CLYBL: variants seen among roughly 807,000 people sequenced by gnomAD.
CLYBL encodes the protein citramalyl-CoA lyase, also known as citramalyl-CoA lyase, mitochondrial.
CLYBL carries 31 observed loss-of-function variants against 38.9 expected under a neutral mutation model. That is an observed-to-expected ratio of 0.80 (90% CI 0.60 to 1.08). The LOEUF (loss-of-function observed/expected upper bound fraction) is 1.08. Among genes scored for constraint, CLYBL ranks in the 50% least tolerant of loss-of-function variants. The probability of loss-of-function intolerance (pLI) is 0.00; values close to 1 mark genes in which losing one functional copy is unlikely to be tolerated. For missense variants in CLYBL, 434 were observed against 411.6 expected (o/e 1.05, Z -0.47); for synonymous variants, 171 against 158.6 (o/e 1.08, Z -0.59).
At chr13:99,708,008 G>A (rs1454716967) in intron 1 of CLYBL, among the ~76,000 whole-genome samples, 2 of 152,144 alleles carry the variant, frequency 1.3e-5, no homozygotes, top group Admixed American at 1.3e-4. Context: ...TTTTGAGACA[G>A]AGTCTTGCTC....
At chr13:99,633,576 T>C (rs1056531387) in intron 1 of CLYBL, among the ~76,000 whole-genome samples, 3 of 148,856 alleles carry the variant, frequency 2.0e-5, no homozygotes, top group Non-Finnish European at 4.5e-5. Flanking sequence ...AGCTGAAAGG[T>C]TAGTGGTTGC....
At chr13:99,621,536 C>T (rs1454549104) in intron 1 of CLYBL, among the ~76,000 whole-genome samples, 1 of 152,232 alleles carries the variant, frequency 6.6e-6, no homozygotes, top group Non-Finnish European at 1.5e-5. Context: ...CTCCCACCCA[C>T]ACCCCATCTG....
intron 7 of CLYBL, among the ~76,000 whole-genome samples, chr13:99,881,363 A>G (rs1428929813): frequency 2.0e-5 from 3 of 152,226 alleles, no homozygotes; most frequent in Admixed American, 6.5e-5. Flanking sequence ...GTGTAAAAAG[A>G]TGAAAAACAC....
chr13:99,765,976 TGCATG>T (rs763922108), intron 1 of CLYBL, among the ~76,000 whole-genome samples: 3 of 151,384 alleles, frequency 2.0e-5, no homozygotes, highest in Non-Finnish European at 4.4e-5. Flanking sequence ...CTCAGCCTCC[TGCATG>T]GCTGGAACTA....
intron 2 of CLYBL, among the ~76,000 whole-genome samples, chr13:99,807,567 C>T (rs944301442): frequency 1.3e-5 from 2 of 151,716 alleles, no homozygotes; most frequent in African/African-American, 4.8e-5. Flanking sequence ...AAGCCAGTCA[C>T]AAAAGGACAA....
In CLYBL at chr13:99,686,415, T is replaced by A. The variant is rs2047818382; in HGVS notation, c.62+79658T>A. On this transcript the variant is annotated intron_variant, in intron 1 of 8. Transcript: ENST00000339105. ...ACACAGTGACACAGCCATTTCCTTC[T>A]ATAGCAGAAACATCTTTGGAGTTCT... Among the ~76,000 whole-genome samples, 6 of 152,212 alleles carry A rather than the reference T, an allele frequency of 3.9e-5. No individual in the cohort carries two copies. The South Asian group carries it at 1.2e-3, about 31-fold the overall frequency.
At chr13:99,667,636 C>T (rs1039845015) in intron 1 of CLYBL, among the ~76,000 whole-genome samples, 1 of 151,932 alleles carries the variant, frequency 6.6e-6, no homozygotes, top group Admixed American at 6.6e-5. Context: ...ACTTGTGGTG[C>T]CTGCATTGAA....
intron 2 of CLYBL, among the ~76,000 whole-genome samples, chr13:99,843,336 G>C (rs1011787981): frequency 2.0e-5 from 3 of 152,194 alleles, no homozygotes; most frequent in African/African-American, 7.2e-5. Flanking sequence ...CCCCAAAGAA[G>C]CTGTCTTGCC....
At chr13:99,652,234 C>T (rs559077764) in intron 1 of CLYBL, among the ~76,000 whole-genome samples, 70 of 152,306 alleles carry the variant, frequency 4.6e-4, no homozygotes, top group African/African-American at 1.7e-3. Context: ...TCCCAGCACA[C>T]TGTCAGCTGT....
At chr13:99,773,299 G>A (rs1057258793) in intron 2 of CLYBL, among the ~76,000 whole-genome samples, 1 of 152,150 alleles carries the variant, frequency 6.6e-6, no homozygotes, top group Non-Finnish European at 1.5e-5. Context: ...GATGTTTGCC[G>A]GTCTAGGTAA....
chr13:99,787,275 T>C (rs1387448548), intron 2 of CLYBL, among the ~76,000 whole-genome samples: 1 of 152,252 alleles, frequency 6.6e-6, no homozygotes, highest in East Asian at 1.9e-4. Flanking sequence ...TCCTTGCCCA[T>C]GCCTATGTCC....
At chr13:99,904,970 C>T (rs950538803) in intron 8 of CLYBL, among the ~76,000 whole-genome samples, 3 of 152,144 alleles carry the variant, frequency 2.0e-5, no homozygotes, top group Admixed American at 1.3e-4. Flanking sequence ...CCCTGCCTCC[C>T]CCAGAACAGT....
chr13:99,808,322 G>C (rs1226933284), intron 2 of CLYBL, among the ~76,000 whole-genome samples: 1 of 152,092 alleles, frequency 6.6e-6, no homozygotes, highest in Admixed American at 6.6e-5. Flanking sequence ...CTGGGCTCAG[G>C]CGATCAGCCT....
chr13:99,844,280 A>G (rs1368162072), intron 2 of CLYBL, among the ~76,000 whole-genome samples: 3 of 152,204 alleles, frequency 2.0e-5, no homozygotes, highest in Non-Finnish European at 2.9e-5. Context: ...GAAGTCTCCT[A>G]ACCTCTCTGT....
At chr13:99,741,068 T>G (rs1172501529) in intron 1 of CLYBL, among the ~76,000 whole-genome samples, 1 of 152,222 alleles carries the variant, frequency 6.6e-6, no homozygotes, top group Admixed American at 6.5e-5. Context: ...AATTCATTTT[T>G]CTCCTTCTTG....
chr13:99,766,876 T>C (rs10083230), intron 1 of CLYBL, among the ~76,000 whole-genome samples: 25,420 of 152,148 alleles, frequency 0.17, 2,694 homozygotes, highest in East Asian at 0.37. Context: ...CCTCCTATAG[T>C]GTGGTACTGC....
intron 1 of CLYBL, among the ~76,000 whole-genome samples, chr13:99,670,824 C>T (rs1217108515): frequency 6.6e-6 from 1 of 152,174 alleles, no homozygotes; most frequent in African/African-American, 2.4e-5. Context: ...CAATATTTTC[C>T]ATGGTCTTTA....
intron 1 of CLYBL, among the ~76,000 whole-genome samples, chr13:99,718,121 C>T (rs1314141696): frequency 6.6e-6 from 1 of 152,032 alleles, no homozygotes; most frequent in South Asian, 2.1e-4. Flanking sequence ...TCAAGTGATC[C>T]TCCTGCCTGG....
At position 99,645,535 on chromosome 13, in the gene CLYBL, G is replaced by C. The variant is rs563960252; in HGVS notation, c.62+38778G>C. 1.5e-4 allele frequency among the ~76,000 whole-genome samples: 23 copies of C among 151,344 alleles called. No individual in the cohort carries two copies. The South Asian group carries it at 4.8e-3, about 32-fold the overall frequency. ...AAAAAAAGTCATTTTAATGGGGTGT[G>C]ATATCTTACCGTAGTTTTGATTTGC... On this transcript the variant is annotated intron_variant, in intron 1 of 8. Coordinates refer to ENST00000339105, the MANE Select transcript of CLYBL (RefSeq NM_206808.5).
Sources: allele counts gnomAD v4.1 joint callset (sites outside exome capture counted in the v4.1 genomes callset), GRCh38; gene constraint gnomAD v4.1.1; transcripts MANE v1.5; gene names NCBI Gene and HGNC (gene_info 2026-07-23, HGNC 2026-07-21).